SRSF12: variants seen among roughly 807,000 people sequenced by gnomAD.
The protein encoded by SRSF12 is serine and arginine rich splicing factor 12.
In SRSF12, 21 loss-of-function variants were observed where a neutral mutation model predicts 34.1. The observed-to-expected ratio is 0.62, with a 90% CI of 0.44 to 0.89. The LOEUF (loss-of-function observed/expected upper bound fraction) is 0.89, where lower values mean the gene tolerates loss of function less well. Ranked by LOEUF, SRSF12 falls within the 40% of genes least tolerant of loss-of-function variation. SRSF12 has a pLI of 0.00. For synonymous variants in SRSF12, 111 were observed against 110.8 expected (o/e 1.00, Z -0.01); for missense variants, 278 against 327.8 (o/e 0.85, Z 1.17).
At chr6:89,112,221 C>T (rs1275303077) in intron 1 of SRSF12, among the ~76,000 whole-genome samples, 1 of 152,056 alleles carries the variant, frequency 6.6e-6, no homozygotes, top group Non-Finnish European at 1.5e-5. Flanking sequence ...CGGCCTAAAA[C>T]TTATTTTTAA....
chr6:89,107,246 C>T lies in SRSF12; in HGVS notation c.78G>A (p.Leu26=), dbSNP rs773311506. The T allele has an allele frequency of 6.2e-7, 1 of 1,614,012 alleles. No individual in the cohort carries two copies. The highest frequency in any genetic ancestry group is 2.2e-5 in the East Asian group (1 of 44,872). Residue 26 remains leucine, a synonymous_variant, in exon 2 of 5, where the codon TTG becomes TTA. Coordinates refer to ENST00000452027, the MANE Select transcript of SRSF12 (RefSeq NM_080743.5). Reference sequence around the variant, plus strand: ...GGCCATATCGACCAAACTCACGGCGCAAGTCCTCAGGCCTGAAGTGTTTTA... The same window carrying T: ...GGCCATATCGACCAAACTCACGGCGTAAGTCCTCAGGCCTGAAGTGTTTTA... ...NVADATRPED[L]RREFGRYGPI... is the part of the protein sequence containing the mutation.
intron 1 of SRSF12, among the ~76,000 whole-genome samples, chr6:89,115,528 G>A (rs11961427): frequency 6.6e-6 from 1 of 150,414 alleles, no homozygotes; most frequent in Non-Finnish European, 1.5e-5. Flanking sequence ...GTGATCCGCC[G>A]AACTCGGTCT....
chr6:89,107,098 A>G, intron 2 of SRSF12, 56 bp downstream of exon 2: 1 of 1,347,814 alleles, frequency 7.4e-7, no homozygotes, highest in Non-Finnish European at 1.1e-6. Flanking sequence ...GAATACATAT[A>G]TGTATAAGCA....
rs201226352 is a variant in SRSF12, at chr6:89,098,771, C to T, written c.593G>A (p.Ser198Asn). The T allele has an allele frequency of 1.0e-4, 167 of 1,613,914 alleles. No homozygotes were observed. In the African/African-American group the frequency reaches 2.0e-3, roughly 20 times the overall value. Residue 198 changes from serine to asparagine, a missense_variant, in exon 5 of 5, where the codon AGT (serine) becomes AAT (asparagine). By Grantham distance (46) the Ser-to-Asn change is conservative. Coordinates refer to ENST00000452027, the MANE Select transcript of SRSF12 (RefSeq NM_080743.5). ...RSKSIGKSQS[S>N]SPQKQTSSGT... The stretch of plus-strand genomic sequence containing the variant: ...TGAGCTAGTCTGCTTTTGAGGTGAA[C>T]TTGACTGTGATTTTCCTATTGACTT...
intron 4 of SRSF12, among the ~76,000 whole-genome samples, chr6:89,104,401 C>T (rs530993977): frequency 1.3e-4 from 19 of 151,874 alleles, no homozygotes; most frequent in Admixed American, 6.6e-4. Context: ...CCACACCCAG[C>T]TAATTTTTGT....
In SRSF12 at chr6:89,118,017, G is replaced by T; in HGVS notation, c.-130C>A. ...ACCCCCACCCCTCGGCCTCAGCCCC[G>T]CCAGCGCGCAGCCGCAGAGGCCGGC... On this transcript the variant is annotated 5_prime_UTR_variant, in exon 1 of 5. Coordinates refer to ENST00000452027, the MANE Select transcript of SRSF12 (RefSeq NM_080743.5). 2.1e-6 allele frequency: 2 copies of T among 949,486 alleles called. No individual in the cohort carries two copies. Among genetic ancestry groups the T allele is most frequent in the Non-Finnish European group, 3.0e-6 (2 of 676,220 alleles). The allele number at this position is 949,486 out of a possible 1,614,324, so 58.8% of individuals were successfully genotyped here.
intron 4 of SRSF12, among the ~76,000 whole-genome samples, chr6:89,102,679 T>C (rs1290095400): frequency 6.6e-6 from 1 of 152,054 alleles, no homozygotes; most frequent in East Asian, 1.9e-4. Context: ...ACATTTAGAG[T>C]TCTAACATAC....
chr6:89,098,445 T>G lies in SRSF12; in HGVS notation c.*133A>C. ...TTTTTATTAATCCAAAGCTAGAGAT[T>G]TTATTTCTTCCATATGCCCAAAGTA... On this transcript the variant is annotated 3_prime_UTR_variant, in exon 5 of 5. Transcript: ENST00000452027. 1.7e-6 allele frequency: 2 copies of G among 1,173,666 alleles called. No homozygotes were observed. Among genetic ancestry groups the G allele is most frequent in the Non-Finnish European group, 2.3e-6 (2 of 878,602 alleles). 72.7% of individuals were successfully genotyped at this position (1,173,666 alleles called of 1,614,324 possible).
At chr6:89,103,463 G>C (rs1490012303) in intron 4 of SRSF12, among the ~76,000 whole-genome samples, 2 of 152,016 alleles carry the variant, frequency 1.3e-5, no homozygotes, top group East Asian at 3.9e-4. Flanking sequence ...CAAGTAGCTG[G>C]GATTACAGGC....
At chr6:89,107,048 C>T (rs1330477266) in intron 2 of SRSF12, 106 bp downstream of exon 2, 23 of 1,129,298 alleles carry the variant, frequency 2.0e-5, no homozygotes, top group Non-Finnish European at 2.9e-5. Flanking sequence ...GAAATAAACA[C>T]ATTTAATTAG....
chr6:89,100,182 AT>A (rs1456084895), intron 4 of SRSF12, among the ~76,000 whole-genome samples: 2 of 152,218 alleles, frequency 1.3e-5, no homozygotes, highest in Non-Finnish European at 2.9e-5. Context: ...TATGGAAGAG[AT>A]TCCAAGGGAC....
chr6:89,106,830 T>C, intron 2 of SRSF12: 3 of 373,236 alleles, frequency 8.0e-6, no homozygotes, highest in South Asian at 4.1e-5. Context: ...CAACCTGGTG[T>C]TGGCTTTGTC....
chr6:89,115,631 C>CTTTTTTTTT, intron 1 of SRSF12, among the ~76,000 whole-genome samples: 1 of 129,006 alleles, frequency 7.8e-6, no homozygotes, highest in Non-Finnish European at 1.6e-5. Context: ...TTTTTTCTTT[C>CTTTTTTTTT]TTTTTTTTTT....
intron 4 of SRSF12, among the ~76,000 whole-genome samples, chr6:89,103,381 A>G (rs953580342): frequency 1.3e-5 from 2 of 149,512 alleles, no homozygotes; most frequent in African/African-American, 4.9e-5. Context: ...CAGGCTGGAG[A>G]GCAGTGGCGT....
intron 1 of SRSF12, among the ~76,000 whole-genome samples, chr6:89,116,409 A>C (rs1451766102): frequency 6.6e-6 from 1 of 152,196 alleles, no homozygotes; most frequent in Non-Finnish European, 1.5e-5. Flanking sequence ...TAAACAAGGC[A>C]CCTTTTAGAT....
rs556107979 is a variant in SRSF12, at chr6:89,116,676, G to A, written c.65+1147C>T. Among the ~76,000 whole-genome samples, 17 of 151,980 alleles carry A rather than the reference G, an allele frequency of 1.1e-4. No individual in the cohort carries two copies. The South Asian group carries it at 3.3e-3, about 30-fold the overall frequency. ...TGTAATCCCATCTACTTTGGATGCT[G>A]AGGCAGGAGAATCGCTTGAACCCGG... On this transcript the variant is annotated intron_variant, in intron 1 of 4. Transcript: ENST00000452027.
Position 89,105,165 on chromosome 6 carries a change from T to C in SRSF12, c.370A>G (p.Ser124Gly). The change falls in exon 4 of 5, where the codon AGT becomes GGT. Residue 124 changes from serine (S) to glycine (G), a missense_variant. Physicochemically the swap from Ser to Gly is moderately conservative, Grantham distance 56. Transcript: ENST00000452027. ...SPSQRRTRSR[S>G]SSWGRNRRRS... Reference sequence around the variant, plus strand: ...CTCCTATTTCTTCCCCATGAAGAACTTCTACTTCGAGTTCTTCTTTGGCTG... The same window carrying C: ...CTCCTATTTCTTCCCCATGAAGAACCTCTACTTCGAGTTCTTCTTTGGCTG... 6.2e-7 allele frequency: 1 copy of C among 1,612,796 alleles called. No individual in the cohort carries two copies. Among genetic ancestry groups the C allele is most frequent in the Non-Finnish European group, 8.5e-7 (1 of 1,179,300 alleles).
intron 4 of SRSF12, 89 bp from the exon 5 acceptor site, chr6:89,099,036 A>C (rs775082706): frequency 7.1e-7 from 1 of 1,414,392 alleles, no homozygotes; most frequent in Non-Finnish European, 9.4e-7. Context: ...TACTTTACAT[A>C]ACATTAGTTA....
chr6:89,117,690 T>C (rs900525404), intron 1 of SRSF12, 133 bp downstream of exon 1: 48 of 857,380 alleles, frequency 5.6e-5, no homozygotes, highest in Non-Finnish European at 7.7e-5. Context: ...CCTCCCCAAG[T>C]GGCGCAGCCT....
Sources: gnomAD v4.1 joint callset for allele counts (sites outside exome capture counted in the v4.1 genomes callset) on GRCh38, gnomAD v4.1.1 for gene constraint, MANE v1.5 for transcripts, NCBI Gene and HGNC (gene_info 2026-07-23, HGNC 2026-07-21) for gene names.